The following CACNA2D4 variants were observed in gnomAD, a reference collection of about 807,000 sequenced individuals.
The protein encoded by CACNA2D4 is voltage-dependent calcium channel subunit alpha-2/delta-4.
CACNA2D4 carries 157 observed loss-of-function variants against 163.8 expected under a neutral mutation model. That is an observed-to-expected ratio of 0.96 (90% CI 0.84 to 1.09). The LOEUF (loss-of-function observed/expected upper bound fraction) is 1.09. Ranked by LOEUF, CACNA2D4 falls within the 50% of genes least tolerant of loss-of-function variation. CACNA2D4 has a pLI of 0.00. For synonymous variants in CACNA2D4, 598 were observed against 586.9 expected, an observed-to-expected ratio of 1.02 and a Z score of -0.27; for missense variants, 1,410 against 1,479.9, an observed-to-expected ratio of 0.95 and a Z score of 0.78.
In CACNA2D4 at chr12:1,834,469, G is replaced by A. The variant is rs745751625; in HGVS notation, c.2551+6270C>T. The A allele has an allele frequency of 9.9e-6, 16 of 1,610,522 alleles. No homozygotes were observed. Among genetic ancestry groups the A allele is most frequent in the South Asian group, 4.4e-5 (4 of 91,054 alleles). ...CCAAGCCCGGGGCTGAGCCGGAGCCGGAGCCCAGCACAGCCTGCCCACAGA... is the reference window on the plus strand; with the variant it reads ...CCAAGCCCGGGGCTGAGCCGGAGCCAGAGCCCAGCACAGCCTGCCCACAGA... On this transcript the variant is annotated intron_variant, in intron 26 of 37. Coordinates refer to ENST00000382722, the MANE Select transcript of CACNA2D4 (RefSeq NM_172364.5). This position sits in a 1 kb window ranked among gnomAD's most constrained non-coding sequence, Gnocchi z 7.6.
At position 1,802,103 on chromosome 12, in the gene CACNA2D4, G is replaced by A. The variant is rs1361478676; in HGVS notation, c.2722-459C>T. Among the ~76,000 whole-genome samples, 1 of 150,456 alleles carries A rather than the reference G, an allele frequency of 6.6e-6. No homozygotes were observed. The highest frequency in any genetic ancestry group is 1.5e-5 in the Non-Finnish European group (1 of 67,646). ...ACGTTTCTGCAGGTCAAGGTCAGAA[G>A]CAGCGCCTGTCTCATGCACGCTGGT... is the stretch of plus-strand genomic sequence containing the variant. On this transcript the variant is annotated intron_variant, in intron 29 of 37. Transcript: ENST00000382722. This position sits in a 1 kb window ranked among gnomAD's most constrained non-coding sequence, Gnocchi z 4.7.
intron 37 of CACNA2D4, among the ~76,000 whole-genome samples, chr12:1,794,757 C>G (rs913973532): frequency 6.6e-6 from 1 of 152,202 alleles, no homozygotes; most frequent in Non-Finnish European, 1.5e-5. Flanking sequence ...CACAGTGGCT[C>G]GGGGATTTTA....
intron 16 of CACNA2D4, among the ~76,000 whole-genome samples, chr12:1,876,239 C>T (rs1865877516): frequency 6.6e-6 from 1 of 152,210 alleles, no homozygotes. Context: ...ATGGCATCTG[C>T]CTTCTGCATT....
intron 4 of CACNA2D4, among the ~76,000 whole-genome samples, chr12:1,909,093 A>G (rs1866748446): frequency 6.6e-6 from 1 of 152,104 alleles, no homozygotes; most frequent in Non-Finnish European, 1.5e-5. Flanking sequence ...CTCCTCACCT[A>G]ACTGTCCAAG....
chr12:1,800,498 C>T (rs545069814), intron 31 of CACNA2D4, 60 bp from the exon 32 acceptor site: 10 of 1,537,838 alleles, frequency 6.5e-6, no homozygotes, highest in African/African-American at 1.4e-5. Flanking sequence ...GTGCCCCCCC[C>T]CCACCACCAG....
intron 26 of CACNA2D4, among the ~76,000 whole-genome samples, chr12:1,816,199 A>T (rs1381321579): frequency 1.3e-5 from 2 of 152,200 alleles, no homozygotes; most frequent in African/African-American, 4.8e-5. Context: ...AGCTGTGTGC[A>T]GGAGACAACA....
chr12:1,810,685 G>T, intron 27 of CACNA2D4, 98 bp from the exon 28 acceptor site: 1 of 1,149,816 alleles, frequency 8.7e-7, no homozygotes, highest in Non-Finnish European at 1.3e-6. Flanking sequence ...TCTGCAGTGT[G>T]TGTGCATGTG....
At chr12:1,906,444 T>A (rs1866660462) in intron 6 of CACNA2D4, among the ~76,000 whole-genome samples, 1 of 152,234 alleles carries the variant, frequency 6.6e-6, no homozygotes, top group Non-Finnish European at 1.5e-5. Flanking sequence ...ATATTCAGAA[T>A]ATACAGATAA....
chr12:1,871,489 A>C (rs111072810), intron 18 of CACNA2D4, among the ~76,000 whole-genome samples: 7,079 of 140,158 alleles, frequency 0.051, 415 homozygotes, highest in African/African-American at 0.15. Flanking sequence ...GTGTGTGCAT[A>C]TGTACATGTG....
At chr12:1,915,644 G>A (rs1189429553) in intron 1 of CACNA2D4, among the ~76,000 whole-genome samples, 3 of 152,236 alleles carry the variant, frequency 2.0e-5, no homozygotes, top group Non-Finnish European at 4.4e-5. Context: ...GGCAGGCCAG[G>A]AGGGCATAAG....
intron 22 of CACNA2D4, among the ~76,000 whole-genome samples, chr12:1,855,589 C>T (rs915327882): frequency 4.6e-5 from 7 of 152,182 alleles, no homozygotes; most frequent in African/African-American, 9.6e-5. Flanking sequence ...CCACAGGCTT[C>T]GAGTCATCTG....
At position 1,844,370 on chromosome 12, in the gene CACNA2D4, C is replaced by T; in HGVS notation, c.2470+32G>A. The T allele has an allele frequency of 1.2e-6, 2 of 1,609,596 alleles. No individual in the cohort carries two copies. The highest frequency in any genetic ancestry group is 2.2e-5 in the East Asian group (1 of 44,814). On this transcript the variant is annotated intron_variant, in intron 25 of 37. Coordinates refer to ENST00000382722, the MANE Select transcript of CACNA2D4 (RefSeq NM_172364.5). The surrounding 1 kb of genome is among the most constrained non-coding windows in gnomAD (Gnocchi z 4.2). ...AGAGATGAGACTGGCCTGAGACTGG[C>T]CCAGCCCCGGGAGCACCGGGCTGTG...
In CACNA2D4 at chr12:1,883,706, G is replaced by A. The variant is rs367839174; in HGVS notation, c.1351+537C>T. ...GGAGAGTGCCTCCCCCATGGCCCCCGGCACCCTGAACAGTCTGTGTCTCTC... is the reference window on the plus strand; with the variant it reads ...GGAGAGTGCCTCCCCCATGGCCCCCAGCACCCTGAACAGTCTGTGTCTCTC... On this transcript the variant is annotated intron_variant, in intron 12 of 37. Coordinates refer to ENST00000382722, the MANE Select transcript of CACNA2D4 (RefSeq NM_172364.5). This position sits in a 1 kb window ranked among gnomAD's most constrained non-coding sequence, Gnocchi z 4.5. Among the ~76,000 whole-genome samples the A allele has an allele frequency of 6.6e-6, 1 of 151,998 alleles. No homozygotes were observed. Among genetic ancestry groups the A allele is most frequent in the Non-Finnish European group, 1.5e-5 (1 of 68,002 alleles).
rs113683986 is a variant in CACNA2D4, at chr12:1,820,141, G to A, written c.2552-8418C>T. 2 of 152,266 alleles carry A rather than the reference G, an allele frequency of 1.3e-5. No homozygotes were observed. The highest frequency in any genetic ancestry group is 2.9e-5 in the Non-Finnish European group (2 of 68,072). 9.4% of individuals were successfully genotyped at this position (152,266 alleles called of 1,614,324 possible). On this transcript the variant is annotated intron_variant, in intron 26 of 37. Coordinates refer to ENST00000382722, the MANE Select transcript of CACNA2D4 (RefSeq NM_172364.5). This position sits in a 1 kb window ranked among gnomAD's most constrained non-coding sequence, Gnocchi z 6.0. ...GGAGAAAGACCAGCTTCCCAGGGGG[G>A]CCTCCATCGGAACAGAAGTCAGCCG... is the stretch of plus-strand genomic sequence containing the variant.
Position 1,834,430 on chromosome 12 carries a change from A to G in CACNA2D4, c.2551+6309T>C. On this transcript the variant is annotated intron_variant, in intron 26 of 37. Transcript: ENST00000382722. This position sits in a 1 kb window ranked among gnomAD's most constrained non-coding sequence, Gnocchi z 7.6. ...GGCCACCCTGCACCAAGGCCAGTCC[A>G]GAGCCTGCTAAGCCCAAGCCCGGGG... 1 of 1,612,858 alleles carries G rather than the reference A, an allele frequency of 6.2e-7. No individual in the cohort carries two copies. The highest frequency in any genetic ancestry group is 8.5e-7 in the Non-Finnish European group (1 of 1,179,996).
chr12:1,888,345 T>C (rs1255733278), intron 6 of CACNA2D4, among the ~76,000 whole-genome samples: 1 of 152,144 alleles, frequency 6.6e-6, no homozygotes, highest in Non-Finnish European at 1.5e-5. Flanking sequence ...TCTTGTGGAT[T>C]CCCAACTCAG....
intron 19 of CACNA2D4, among the ~76,000 whole-genome samples, chr12:1,859,423 T>G (rs1430975289): frequency 6.6e-6 from 1 of 152,158 alleles, no homozygotes; most frequent in Non-Finnish European, 1.5e-5. Context: ...GGTATTCCAA[T>G]GAGCAGTCAG....
chr12:1,889,590 G>A (rs1237112806), intron 6 of CACNA2D4, among the ~76,000 whole-genome samples: 6 of 151,754 alleles, frequency 4.0e-5, no homozygotes, highest in African/African-American at 1.5e-4. Flanking sequence ...GCCCCCCCCA[G>A]TAGCTGGAAC....
intron 35 of CACNA2D4, among the ~76,000 whole-genome samples, chr12:1,796,553 TCGCAC>T (rs1592644685): frequency 6.6e-6 from 1 of 152,324 alleles, no homozygotes; most frequent in East Asian, 1.9e-4. Context: ...GGCTCTATCC[TCGCAC>T]CGAGCCTTTG....
Sources: gnomAD v4.1 joint callset for allele counts (sites outside exome capture counted in the v4.1 genomes callset) on GRCh38, gnomAD v4.1.1 for gene constraint, Gnocchi (gnomAD v3.1) non-coding constraint, MANE v1.5 for transcripts, NCBI Gene and HGNC (gene_info 2026-07-23, HGNC 2026-07-21) for gene names.